The following RUBCNL variants were observed in gnomAD, a reference collection of about 807,000 sequenced individuals.
The protein encoded by RUBCNL is rubicon like autophagy enhancer.
RUBCNL carries 62 observed loss-of-function variants against 69.5 expected under a neutral mutation model. The observed-to-expected ratio is 0.89, with a 90% confidence interval of 0.73 to 1.10. The LOEUF is 1.10. RUBCNL is among the 50% of genes least tolerant of loss of function. The pLI, the probability that RUBCNL is intolerant of heterozygous loss-of-function variation, is 0.00. For missense variants in RUBCNL, 768 were observed against 798.1 expected, an observed-to-expected ratio of 0.96 and a Z score of 0.45; for synonymous variants, 291 against 303.6, an observed-to-expected ratio of 0.96 and a Z score of 0.43.
chr13:46,364,478 G>A (rs536117359), intron 5 of RUBCNL, among the ~76,000 whole-genome samples: 1 of 152,206 alleles, frequency 6.6e-6, no homozygotes, highest in African/African-American at 2.4e-5. Flanking sequence ...GGGTGACGAT[G>A]GACAACCACC....
chr13:46,343,377 C>G lies in RUBCNL; in HGVS notation c.*8G>C. 1 of 1,612,196 alleles carries G rather than the reference C, an allele frequency of 6.2e-7. No individual in the cohort carries two copies. Among genetic ancestry groups the G allele is most frequent in the Non-Finnish European group, 8.5e-7 (1 of 1,179,072 alleles). The stretch of plus-strand genomic sequence containing the variant: ...GTTGAACAGTCTTTTTCACAGTACT[C>G]AGGGGCATCATGTTGCTGCAGAGGC... On this transcript the variant is annotated 3_prime_UTR_variant, in exon 15 of 15. Transcript: ENST00000429979.
chr13:46,382,655 T>A (rs2049144133), intron 1 of RUBCNL, among the ~76,000 whole-genome samples: 1 of 152,166 alleles, frequency 6.6e-6, no homozygotes, highest in African/African-American at 2.4e-5. Context: ...TGCCTTAACC[T>A]CCCAAGTAGC....
At chr13:46,344,479 G>A (rs553999541) in intron 14 of RUBCNL, among the ~76,000 whole-genome samples, 1 of 152,100 alleles carries the variant, frequency 6.6e-6, no homozygotes, top group Admixed American at 6.6e-5. Context: ...GGCAACAAAG[G>A]GACCATCTCC....
At chr13:46,352,041 T>C (rs2048381163) in intron 10 of RUBCNL, among the ~76,000 whole-genome samples, 1 of 152,132 alleles carries the variant, frequency 6.6e-6, no homozygotes, top group African/African-American at 2.4e-5. Flanking sequence ...TTGGCCAGGC[T>C]GGTCTCAAAC....
At chr13:46,356,403 T>C in intron 10 of RUBCNL, 29 bp downstream of exon 10, 6 of 1,610,572 alleles carry the variant, frequency 3.7e-6, no homozygotes, top group Non-Finnish European at 5.1e-6. Context: ...CATCACATCA[T>C]AAGCAGGCGA....
At chr13:46,375,718 ACTTTG>A in intron 2 of RUBCNL, among the ~76,000 whole-genome samples, 1 of 152,132 alleles carries the variant, frequency 6.6e-6, no homozygotes, top group Non-Finnish European at 1.5e-5. Context: ...TGTTCTTGAG[ACTTTG>A]AGTCTCAAGA....
Position 46,338,243 on chromosome 13 carries a change from T to C in RUBCNL, c.*5142A>G, listed in dbSNP as rs2048116706. On this transcript the variant is annotated 3_prime_UTR_variant, in exon 15 of 15. Coordinates refer to ENST00000429979, the MANE Select transcript of RUBCNL (RefSeq NM_025113.5). ...ATCTTCCTACCATGGTGAATATCCC[T>C]TCATCAGGACCCGAGAAAGCAGGTT... Among the ~76,000 whole-genome samples, 1 of 152,218 alleles carries C rather than the reference T, an allele frequency of 6.6e-6. No homozygotes were observed. Among genetic ancestry groups the C allele is most frequent in the South Asian group, 2.1e-4 (1 of 4,828 alleles).
chr13:46,383,312 C>T (rs1412907932), intron 1 of RUBCNL, among the ~76,000 whole-genome samples: 2 of 152,210 alleles, frequency 1.3e-5, no homozygotes, highest in African/African-American at 4.8e-5. Context: ...GATCTTTATT[C>T]AAATGAAGAC....
At chr13:46,385,339 G>A (rs1289491299) in intron 1 of RUBCNL, 2 of 809,444 alleles carry the variant, frequency 2.5e-6, no homozygotes, top group African/African-American at 3.7e-5. Context: ...ATCTAATTGG[G>A]TATCAGGAAG....
Position 46,344,766 on chromosome 13 carries a change from C to T in RUBCNL, c.1851G>A (p.Gln617=). ...CTGAACATCTTCTACATGTTGCTGT[C>T]TGAAATGGGAAGATGACAGTCGTAT... ...CQNTTVIFPF[Q]TATCRRCSAC... is the part of the protein sequence containing the mutation. Residue 617 remains glutamine, a synonymous_variant, in exon 14 of 15, where the codon CAG becomes CAA. Coordinates refer to ENST00000429979, the MANE Select transcript of RUBCNL (RefSeq NM_025113.5). The T allele has an allele frequency of 6.2e-7, 1 of 1,610,776 alleles. No homozygotes were observed. The highest frequency in any genetic ancestry group is 1.3e-5 in the African/African-American group (1 of 75,002).
chr13:46,365,549 T>C (rs2048735282), intron 5 of RUBCNL, among the ~76,000 whole-genome samples: 1 of 152,160 alleles, frequency 6.6e-6, no homozygotes, highest in African/African-American at 2.4e-5. Context: ...AGGGAGCATG[T>C]CACAGTGACA....
In RUBCNL at chr13:46,387,165, T is replaced by TGGAACGCTGCGCC; in HGVS notation, c.-271_-270insGGCGCAGCGTTCC. 2 of 985,030 alleles carry TGGAACGCTGCGCC rather than the reference T, an allele frequency of 2.0e-6. No homozygotes were observed. Among genetic ancestry groups the TGGAACGCTGCGCC allele is most frequent in the Non-Finnish European group, 2.4e-6 (2 of 829,824 alleles). The allele number at this position is 985,030 out of a possible 1,614,324, so 61.0% of individuals were successfully genotyped here. ...AAACCCGAGCGGTGGAACGCTGCGC[T>TGGAACGCTGCGCC]GGGTAAACGCCGCGCGTCGGGTCCT... On this transcript the variant is annotated 5_prime_UTR_variant, in exon 1 of 15. Coordinates refer to ENST00000429979, the MANE Select transcript of RUBCNL (RefSeq NM_025113.5).
At chr13:46,382,195 C>A in intron 1 of RUBCNL, among the ~76,000 whole-genome samples, 1 of 152,120 alleles carries the variant, frequency 6.6e-6, no homozygotes. Flanking sequence ...ATAGGAAATG[C>A]TCATCTCCCT....
rs2048136690 is a variant in RUBCNL, at chr13:46,340,795, C to T, written c.*2590G>A. 6.6e-6 allele frequency among the ~76,000 whole-genome samples: 1 copy of T among 152,244 alleles called. No homozygotes were observed. Among genetic ancestry groups the T allele is most frequent in the South Asian group, 2.1e-4 (1 of 4,818 alleles). On this transcript the variant is annotated 3_prime_UTR_variant, in exon 15 of 15. Coordinates refer to ENST00000429979, the MANE Select transcript of RUBCNL (RefSeq NM_025113.5). ...GTGCCAGGCTTCATAACAACCAGCT[C>T]TCATGGGAACTAAGAGTGAGAACTC...
rs1055354956 is a variant in RUBCNL, at chr13:46,335,168, G to A, written c.*8217C>T. On this transcript the variant is annotated 3_prime_UTR_variant, in exon 15 of 15. Coordinates refer to ENST00000429979, the MANE Select transcript of RUBCNL (RefSeq NM_025113.5). ...CAGCCTCAAACTCCTGGGCTCGATC[G>A]ATCCTCCCACCTCAGCCTCCTGGGT... Among the ~76,000 whole-genome samples the A allele has an allele frequency of 1.3e-5, 2 of 150,972 alleles. No individual in the cohort carries two copies. The highest frequency in any genetic ancestry group is 2.4e-5 in the African/African-American group (1 of 40,952).
chr13:46,387,554 C>T, upstream of RUBCNL: 1 of 985,616 alleles, frequency 1.0e-6, no homozygotes, highest in Non-Finnish European at 1.2e-6. Flanking sequence ...GGTCAAAGAC[C>T]TGGCAGAAAT....
At chr13:46,385,838 T>C (rs1259230371) in intron 1 of RUBCNL, among the ~76,000 whole-genome samples, 1 of 152,192 alleles carries the variant, frequency 6.6e-6, no homozygotes, top group East Asian at 1.9e-4. Context: ...TCCAAGGCTA[T>C]GACCCTCAAT....
intron 14 of RUBCNL, among the ~76,000 whole-genome samples, chr13:46,344,333 T>A (rs537425652): frequency 7.2e-5 from 11 of 152,168 alleles, no homozygotes; most frequent in Non-Finnish European, 1.5e-4. Context: ...AAGAGCCAGA[T>A]AGCAAATGTT....
At chr13:46,365,145 A>G (rs2048721803) in intron 5 of RUBCNL, among the ~76,000 whole-genome samples, 1 of 152,018 alleles carries the variant, frequency 6.6e-6, no homozygotes, top group Admixed American at 6.6e-5. Flanking sequence ...TCTACTAAAA[A>G]TACAAAAATT....
Sources: gnomAD v4.1 joint callset for allele counts (sites outside exome capture counted in the v4.1 genomes callset) on GRCh38, gnomAD v4.1.1 for gene constraint, MANE v1.5 for transcripts, NCBI Gene and HGNC (gene_info 2026-07-23, HGNC 2026-07-21) for gene names.